Variants in METTL15 observed in about 807,000 individuals in gnomAD.
The protein encoded by METTL15 is 12S rRNA N(4)-cytidine methyltransferase METTL15.
METTL15 carries 34 observed loss-of-function variants against 38.3 expected under a neutral mutation model. The observed-to-expected ratio is 0.89, with a 90% CI of 0.68 to 1.18. The LOEUF is 1.18. Among genes scored for constraint, METTL15 ranks in the 50% most tolerant of loss-of-function variants. The pLI, the probability that METTL15 is intolerant of heterozygous loss-of-function variation, is 0.00. For missense variants in METTL15, 438 were observed against 498.4 expected, an observed-to-expected ratio of 0.88 and a Z score of 1.15; for synonymous variants, 162 against 170.9, an observed-to-expected ratio of 0.95 and a Z score of 0.41.
At chr11:28,468,547 G>A (rs1851276659) in intron 6 of METTL15, among the ~76,000 whole-genome samples, 1 of 152,120 alleles carries the variant, frequency 6.6e-6, no homozygotes. Context: ...ATAAATCTGT[G>A]AAGAAATTCT....
At chr11:28,245,716 A>G (rs1247463475) in intron 4 of METTL15, among the ~76,000 whole-genome samples, 1 of 152,180 alleles carries the variant, frequency 6.6e-6, no homozygotes, top group Non-Finnish European at 1.5e-5. Context: ...CATAGGCTGT[A>G]TAGGTAGCAT....
chr11:28,176,896 T>TA (rs1851096771), intron 3 of METTL15, among the ~76,000 whole-genome samples: 2 of 152,168 alleles, frequency 1.3e-5, no homozygotes, highest in South Asian at 4.1e-4. Context: ...TACTACCTGT[T>TA]ATTCTTGTCA....
chr11:28,401,261 C>T (rs897689059), intron 5 of METTL15, among the ~76,000 whole-genome samples: 1 of 151,958 alleles, frequency 6.6e-6, no homozygotes, highest in Admixed American at 6.6e-5. Flanking sequence ...GAAGAATCAG[C>T]TGCCTATGGC....
At chr11:28,140,544 A>C (rs1590796932) in intron 3 of METTL15, among the ~76,000 whole-genome samples, 1 of 152,224 alleles carries the variant, frequency 6.6e-6, no homozygotes, top group African/African-American at 2.4e-5. Context: ...CTCACCTGCC[A>C]GGTATTCTGG....
chr11:28,368,535 C>T (rs558822584), intron 5 of METTL15, among the ~76,000 whole-genome samples: 34 of 152,208 alleles, frequency 2.2e-4, no homozygotes, highest in African/African-American at 3.6e-4. Context: ...GAAATAGGAA[C>T]GCTTTTACAC....
At chr11:28,440,635 T>C (rs1004602697) in intron 6 of METTL15, among the ~76,000 whole-genome samples, 1 of 152,224 alleles carries the variant, frequency 6.6e-6, no homozygotes, top group African/African-American at 2.4e-5. Flanking sequence ...ATTTCAACTA[T>C]TTAAGATGCT....
At chr11:28,475,615 C>T (rs1851339402) in intron 6 of METTL15, among the ~76,000 whole-genome samples, 1 of 152,172 alleles carries the variant, frequency 6.6e-6, no homozygotes, top group African/African-American at 2.4e-5. Context: ...GAGTAAATTT[C>T]TTCACTGCCT....
chr11:28,299,046 G>A (rs879831072), intron 6 of METTL15, among the ~76,000 whole-genome samples: 1 of 152,042 alleles, frequency 6.6e-6, no homozygotes, highest in East Asian at 1.9e-4. Context: ...TCTACTTACA[G>A]TGAAAATTCT....
intron 3 of METTL15, among the ~76,000 whole-genome samples, chr11:28,180,212 C>A: frequency 6.6e-6 from 1 of 151,796 alleles, no homozygotes; most frequent in East Asian, 1.9e-4. Flanking sequence ...AGCAAATGAA[C>A]CCTTGACTCC....
At chr11:28,150,032 A>G (rs908235338) in intron 3 of METTL15, among the ~76,000 whole-genome samples, 1 of 151,876 alleles carries the variant, frequency 6.6e-6, no homozygotes. Context: ...AATATAGGAA[A>G]CTATAGGCCT....
Position 28,327,475 on chromosome 11 carries a change from AC to A in METTL15, c.779-2920del, listed in dbSNP as rs1485445706. The A allele has an allele frequency of 1.2e-4, 19 of 152,532 alleles. No homozygotes were observed. In the East Asian group the frequency reaches 2.7e-3, roughly 22 times the overall value. The allele number at this position is 152,532 out of a possible 1,614,324, so 9.4% of individuals were successfully genotyped here. A position where few individuals can be genotyped will look rare whatever the true frequency, so the allele number is the denominator to read the frequency against. On this transcript the variant is annotated intron_variant, in intron 6 of 6. Coordinates refer to ENST00000407364, the MANE Select transcript of METTL15 (RefSeq NM_001113528.2). ...ATTTGTCAGCTGCAGATTCATATAT[AC>A]TAGGGGATATACTTAATGTGAACAT...
chr11:28,368,081 C>A (rs1265174197), intron 5 of METTL15, among the ~76,000 whole-genome samples: 1 of 45,444 alleles, frequency 2.2e-5, no homozygotes, highest in East Asian at 8.2e-4. Context: ...CAACAAAAGC[C>A]AAAATAGACA....
rs563954191 is a variant in METTL15, at chr11:28,160,460, C to T, written c.270+46856C>T. ...ACAACTAAAGACCTGGCTTAAGTTT[C>T]AGGATTAAGATTTTGGTAGAGCTTA... is the stretch of plus-strand genomic sequence containing the variant. On this transcript the variant is annotated intron_variant, in intron 3 of 6. Coordinates refer to ENST00000407364, the MANE Select transcript of METTL15 (RefSeq NM_001113528.2). Among the ~76,000 whole-genome samples the T allele has an allele frequency of 3.9e-5, 6 of 152,150 alleles. No homozygotes were observed. In the South Asian group the frequency reaches 1.2e-3, roughly 32 times the overall value.
chr11:28,302,489 G>C (rs559182268), intron 6 of METTL15, among the ~76,000 whole-genome samples: 1 of 152,052 alleles, frequency 6.6e-6, no homozygotes, highest in East Asian at 1.9e-4. Context: ...GGTCTTTCCC[G>C]TGCTGTTCTC....
intron 5 of METTL15, among the ~76,000 whole-genome samples, chr11:28,373,185 G>C (rs1590349382): frequency 1.3e-5 from 2 of 152,068 alleles, no homozygotes; most frequent in Non-Finnish European, 2.9e-5. Flanking sequence ...AGATCCCTGA[G>C]GAATCGCCAC....
chr11:28,359,758 A>G (rs1276356914), intron 4 of METTL15, among the ~76,000 whole-genome samples: 1 of 152,182 alleles, frequency 6.6e-6, no homozygotes, highest in East Asian at 1.9e-4. Context: ...AACTCACCAG[A>G]AACATGCCGA....
At chr11:28,294,771 C>T (rs888220310) in intron 5 of METTL15, among the ~76,000 whole-genome samples, 4 of 152,066 alleles carry the variant, frequency 2.6e-5, no homozygotes, top group Admixed American at 2.6e-4. Context: ...TCCAGTGTTG[C>T]ACCTTTTGCA....
intron 6 of METTL15, among the ~76,000 whole-genome samples, chr11:28,445,425 T>C (rs1038784204): frequency 6.6e-6 from 1 of 152,154 alleles, no homozygotes; most frequent in Non-Finnish European, 1.5e-5. Context: ...GGTATAGTTA[T>C]GAAATTCAGG....
intron 3 of METTL15, among the ~76,000 whole-genome samples, chr11:28,158,205 T>C (rs1438487071): frequency 2.6e-5 from 4 of 152,196 alleles, no homozygotes; most frequent in Non-Finnish European, 4.4e-5. Flanking sequence ...TGAAGATATT[T>C]GCATCTCACG....
Sources: gnomAD v4.1 joint callset for allele counts (sites outside exome capture counted in the v4.1 genomes callset) on GRCh38, gnomAD v4.1.1 for gene constraint, MANE v1.5 for transcripts, NCBI Gene and HGNC (gene_info 2026-07-23, HGNC 2026-07-21) for gene names.